The following LCLAT1 variants were observed in gnomAD, a reference collection of about 807,000 sequenced individuals.
LCLAT1 encodes lysocardiolipin acyltransferase 1, also known as 1-AGP acyltransferase 8.
A neutral mutation model predicts 30.7 loss-of-function variants in LCLAT1; 11 were observed. That is an observed-to-expected ratio of 0.36 (90% CI 0.23 to 0.59). The LOEUF (loss-of-function observed/expected upper bound fraction) is 0.59, where lower values mean the gene tolerates loss of function less well. Among genes scored for constraint, LCLAT1 ranks in the 20% least tolerant of loss-of-function variants. The pLI is 0.77. For missense variants in LCLAT1, 402 were observed against 458.6 expected, an observed-to-expected ratio of 0.88 and a Z score of 1.13; for synonymous variants, 155 against 151.3, an observed-to-expected ratio of 1.02 and a Z score of -0.18.
chr2:30,528,596 A>G (rs1459355542), intron 2 of LCLAT1, among the ~76,000 whole-genome samples: 3 of 152,198 alleles, frequency 2.0e-5, no homozygotes, highest in East Asian at 1.9e-4. Flanking sequence ...ATATAGTACA[A>G]TTTTGGGAGA....
At chr2:30,529,761 G>A (rs1042315333) in intron 2 of LCLAT1, among the ~76,000 whole-genome samples, 6 of 152,268 alleles carry the variant, frequency 3.9e-5, no homozygotes, top group Non-Finnish European at 7.4e-5. Flanking sequence ...TGTGATTTTT[G>A]TCTACACTGT....
At chr2:30,534,687 C>G (rs1255784939) in intron 3 of LCLAT1, among the ~76,000 whole-genome samples, 1 of 152,174 alleles carries the variant, frequency 6.6e-6, no homozygotes, top group South Asian at 2.1e-4. Flanking sequence ...CCTTAGAGAA[C>G]ACTTTCACTT....
At chr2:30,477,315 A>T (rs1683095608) in intron 1 of LCLAT1, among the ~76,000 whole-genome samples, 1 of 152,108 alleles carries the variant, frequency 6.6e-6, no homozygotes, top group African/African-American at 2.4e-5. Context: ...GATGCCTTGG[A>T]TTGTACCTGT....
chr2:30,459,485 G>A (rs1681993751), intron 1 of LCLAT1: 1 of 715,192 alleles, frequency 1.4e-6, no homozygotes, highest in African/African-American at 1.8e-5. Flanking sequence ...TGAACCATCT[G>A]ATGAGCCCGG....
intron 5 of LCLAT1, among the ~76,000 whole-genome samples, chr2:30,618,648 A>C (rs529224615): frequency 1.8e-4 from 28 of 152,264 alleles, no homozygotes; most frequent in African/African-American, 6.7e-4. Context: ...ATGTACAACA[A>C]ACCCTCATGA....
At chr2:30,585,173 G>A (rs932168368) in intron 5 of LCLAT1, among the ~76,000 whole-genome samples, 1 of 151,946 alleles carries the variant, frequency 6.6e-6, no homozygotes, top group African/African-American at 2.4e-5. Context: ...CTGACTCCAT[G>A]CCTCTTCCTT....
chr2:30,601,822 C>CTATAGATAGATA, intron 5 of LCLAT1, among the ~76,000 whole-genome samples: 1 of 151,218 alleles, frequency 6.6e-6, no homozygotes. Context: ...TCATATATAT[C>CTATAGATAGATA]TATAGATAGA....
chr2:30,589,222 A>G (rs1242497177), intron 5 of LCLAT1, among the ~76,000 whole-genome samples: 1 of 152,200 alleles, frequency 6.6e-6, no homozygotes, highest in African/African-American at 2.4e-5. Context: ...TAAATATTAG[A>G]TAATGTCTTC....
intron 5 of LCLAT1, among the ~76,000 whole-genome samples, chr2:30,603,684 G>C (rs1374323029): frequency 6.6e-6 from 1 of 152,024 alleles, no homozygotes; most frequent in Non-Finnish European, 1.5e-5. Flanking sequence ...CATATGAATA[G>C]AATCTCCAGG....
In LCLAT1 at chr2:30,641,904, T is replaced by C. The variant is rs1173374564; in HGVS notation, c.*1285T>C. Reference sequence around the variant, plus strand: ...GCTGCACACTTTTTTTTCTTTTTTTTTTTCTTTTTTTTTTTGTCGTGTAAG... The same window carrying C: ...GCTGCACACTTTTTTTTCTTTTTTTCTTTCTTTTTTTTTTTGTCGTGTAAG... On this transcript the variant is annotated 3_prime_UTR_variant, in exon 6 of 6. Transcript: ENST00000379509. The C allele has an allele frequency of 7.6e-6, 1 of 131,192 alleles. No homozygotes were observed. The highest frequency in any genetic ancestry group is 1.6e-5 in the Non-Finnish European group (1 of 62,726). 8.1% of individuals were successfully genotyped at this position (131,192 alleles called of 1,614,324 possible).
intron 5 of LCLAT1, among the ~76,000 whole-genome samples, chr2:30,595,812 C>T (rs1183504039): frequency 6.6e-6 from 1 of 152,156 alleles, no homozygotes; most frequent in South Asian, 2.1e-4. Context: ...ACGGCAGGCC[C>T]CAGTGTGTGT....
intron 5 of LCLAT1, among the ~76,000 whole-genome samples, chr2:30,603,470 CTT>C (rs778665083): frequency 2.8e-5 from 4 of 142,658 alleles, no homozygotes; most frequent in African/African-American, 2.5e-5. Flanking sequence ...TCAATTTTTG[CTT>C]TTTTTTTTTT....
At chr2:30,564,939 T>C (rs574875207) in intron 4 of LCLAT1, among the ~76,000 whole-genome samples, 2 of 152,324 alleles carry the variant, frequency 1.3e-5, no homozygotes, top group South Asian at 2.1e-4. Flanking sequence ...TTTGGAAACA[T>C]AGAAGTATGC....
intron 3 of LCLAT1, among the ~76,000 whole-genome samples, chr2:30,549,912 A>G (rs951853444): frequency 6.6e-6 from 1 of 152,220 alleles, no homozygotes; most frequent in African/African-American, 2.4e-5. Flanking sequence ...CTGTTGTGTA[A>G]TGAATACCAG....
intron 4 of LCLAT1, among the ~76,000 whole-genome samples, chr2:30,567,554 G>T (rs1301987701): frequency 6.6e-6 from 1 of 152,060 alleles, no homozygotes; most frequent in East Asian, 1.9e-4. Flanking sequence ...CCTCCCACTT[G>T]GGGGAGTCAT....
intron 1 of LCLAT1, chr2:30,459,428 A>G (rs1681990871): frequency 1.6e-6 from 1 of 611,926 alleles, no homozygotes; most frequent in Non-Finnish European, 2.9e-6. Flanking sequence ...TAATCCATTC[A>G]GTACTCAGAT....
chr2:30,640,171 CTCAA>C lies in LCLAT1; in HGVS notation c.687_690del (p.Ser230ArgfsTer22). The stretch of plus-strand genomic sequence containing the variant: ...ACTGTGGCGTATCCTCACAACATTC[CTCAA>C]TCAGAGAAGCACCTCCTCCAAGGAG... On this transcript the variant is annotated frameshift_variant, in exon 6 of 6. Transcript: ENST00000379509. LOFTEE classifies it high-confidence loss of function. 1 of 1,614,032 alleles carries C rather than the reference CTCAA, an allele frequency of 6.2e-7. No individual in the cohort carries two copies. The highest frequency in any genetic ancestry group is 8.5e-7 in the Non-Finnish European group (1 of 1,179,968).
At chr2:30,636,157 G>C (rs1669013455) in intron 5 of LCLAT1, among the ~76,000 whole-genome samples, 1 of 152,168 alleles carries the variant, frequency 6.6e-6, no homozygotes, top group Non-Finnish European at 1.5e-5. Flanking sequence ...AAATACGTCA[G>C]GAAAAAAGGC....
At chr2:30,614,303 T>G (rs1667886026) in intron 5 of LCLAT1, among the ~76,000 whole-genome samples, 2 of 133,472 alleles carry the variant, frequency 1.5e-5, no homozygotes, top group Admixed American at 7.8e-5. Context: ...GAGCACGGGG[T>G]TGGGGGTAAG....
Sources: allele counts gnomAD v4.1 joint callset (sites outside exome capture counted in the v4.1 genomes callset), GRCh38; gene constraint gnomAD v4.1.1; transcripts MANE v1.5; gene names NCBI Gene and HGNC (gene_info 2026-07-23, HGNC 2026-07-21).